ALCAM: variants seen among roughly 807,000 people sequenced by gnomAD.
The protein encoded by ALCAM is CD166 antigen.
ALCAM carries 30 observed loss-of-function variants against 70.9 expected under a neutral mutation model. That is an observed-to-expected ratio of 0.42 (90% confidence interval 0.32 to 0.57). The LOEUF (loss-of-function observed/expected upper bound fraction) is 0.57. Among genes scored for constraint, ALCAM ranks in the 20% least tolerant of loss-of-function variants. The pLI, the probability that ALCAM is intolerant of heterozygous loss-of-function variation, is 0.11. For missense variants in ALCAM, 591 were observed against 695.1 expected, an observed-to-expected ratio of 0.85 and a Z score of 1.68; for synonymous variants, 249 against 242.5, an observed-to-expected ratio of 1.03 and a Z score of -0.25.
At chr3:105,380,807 T>C (rs1935500589) in intron 1 of ALCAM, among the ~76,000 whole-genome samples, 1 of 151,962 alleles carries the variant, frequency 6.6e-6, no homozygotes, top group Non-Finnish European at 1.5e-5. Flanking sequence ...AATCTCATAT[T>C]GAAATTAGAT....
intron 1 of ALCAM, among the ~76,000 whole-genome samples, chr3:105,458,305 G>A (rs1398725485): frequency 6.6e-6 from 1 of 152,124 alleles, no homozygotes; most frequent in Non-Finnish European, 1.5e-5. Flanking sequence ...ATTCTATGTT[G>A]CTTCTTTAAA....
intron 1 of ALCAM, among the ~76,000 whole-genome samples, chr3:105,493,567 G>A (rs1444772633): frequency 2.0e-5 from 3 of 152,150 alleles, no homozygotes; most frequent in African/African-American, 7.2e-5. Flanking sequence ...CAGTGAGGAA[G>A]ACGTAGATAC....
At chr3:105,487,148 T>A (rs1938451774) in intron 1 of ALCAM, among the ~76,000 whole-genome samples, 1 of 148,724 alleles carries the variant, frequency 6.7e-6, no homozygotes, top group African/African-American at 2.5e-5. Flanking sequence ...GAGTAACTAT[T>A]TTTTAAAAAA....
chr3:105,528,148 T>C (rs1939752803), intron 3 of ALCAM, among the ~76,000 whole-genome samples: 1 of 152,182 alleles, frequency 6.6e-6, no homozygotes, highest in South Asian at 2.1e-4. Flanking sequence ...AATTGAGCTA[T>C]CCTATGTGTG....
rs1004990136 is a variant in ALCAM at position 105,576,627 on chromosome 3, A to G, written c.*2176A>G. On this transcript the variant is annotated 3_prime_UTR_variant, in exon 16 of 16. Coordinates refer to ENST00000306107, the MANE Select transcript of ALCAM (RefSeq NM_001627.4). ...AGCAGAAAGTTTGCCGGGAAAAAAA[A>G]AGACAACATTATTACCATCGATTCA... 6.6e-6 allele frequency: 1 copy of G among 152,496 alleles called. No homozygotes were observed. The highest frequency in any genetic ancestry group is 6.5e-5 in the Admixed American group (1 of 15,270). 9.4% of individuals were successfully genotyped at this position (152,496 alleles called of 1,614,324 possible).
chr3:105,436,604 G>A (rs1937054762), intron 1 of ALCAM, among the ~76,000 whole-genome samples: 1 of 152,196 alleles, frequency 6.6e-6, no homozygotes, highest in African/African-American at 2.4e-5. Flanking sequence ...TGGGATTACA[G>A]GCATGAGCCT....
intron 1 of ALCAM, among the ~76,000 whole-genome samples, chr3:105,489,006 A>G (rs1185161706): frequency 6.6e-6 from 1 of 152,204 alleles, no homozygotes; most frequent in Non-Finnish European, 1.5e-5. Context: ...AAAGCATGAG[A>G]GTTTATCACA....
At chr3:105,501,964 CCAAAAT>C in intron 1 of ALCAM, among the ~76,000 whole-genome samples, 1 of 152,238 alleles carries the variant, frequency 6.6e-6, no homozygotes, top group East Asian at 1.9e-4. Context: ...GAGTTAGAAA[CCAAAAT>C]CAAAGTTTGT....
chr3:105,415,637 T>G (rs1032771145), intron 1 of ALCAM, among the ~76,000 whole-genome samples: 7 of 152,108 alleles, frequency 4.6e-5, no homozygotes, highest in Admixed American at 4.6e-4. Context: ...CGATAACCTT[T>G]TATTTATTTC....
chr3:105,374,909 G>C (rs1935339719), intron 1 of ALCAM, among the ~76,000 whole-genome samples: 1 of 152,184 alleles, frequency 6.6e-6, no homozygotes, highest in Non-Finnish European at 1.5e-5. Flanking sequence ...TTGCTCTTAT[G>C]TATACCAATA....
At chr3:105,455,692 G>T (rs1277342782) in intron 1 of ALCAM, among the ~76,000 whole-genome samples, 1 of 152,200 alleles carries the variant, frequency 6.6e-6, no homozygotes, top group Non-Finnish European at 1.5e-5. Flanking sequence ...GTTTACCATT[G>T]CAATGGCAGC....
chr3:105,458,168 A>G (rs1937559191), intron 1 of ALCAM, among the ~76,000 whole-genome samples: 1 of 152,106 alleles, frequency 6.6e-6, no homozygotes, highest in Admixed American at 6.5e-5. Flanking sequence ...TCAGAGATAT[A>G]TTTTAGCAGG....
At chr3:105,523,249 T>C (rs112880687) in intron 2 of ALCAM, among the ~76,000 whole-genome samples, 3 of 146,198 alleles carry the variant, frequency 2.1e-5, no homozygotes, top group African/African-American at 7.6e-5. Context: ...GGATGATGAA[T>C]AAGGTAGTGG....
intron 1 of ALCAM, among the ~76,000 whole-genome samples, chr3:105,422,869 GT>G (rs1298357767): frequency 6.6e-6 from 1 of 151,460 alleles, no homozygotes; most frequent in Non-Finnish European, 1.5e-5. Flanking sequence ...GAATGACATA[GT>G]TGAACAACTG....
chr3:105,405,138 G>A (rs558239101), intron 1 of ALCAM, among the ~76,000 whole-genome samples: 20 of 151,972 alleles, frequency 1.3e-4, no homozygotes, highest in Admixed American at 3.9e-4. Context: ...TTAGCTGGGC[G>A]TGGTGGCACA....
intron 6 of ALCAM, among the ~76,000 whole-genome samples, chr3:105,539,219 G>T (rs1446717121): frequency 6.6e-6 from 1 of 152,048 alleles, no homozygotes; most frequent in East Asian, 1.9e-4. Flanking sequence ...ATTTCTAACT[G>T]CCAGCACCAC....
At chr3:105,485,436 C>T (rs984216416) in intron 1 of ALCAM, among the ~76,000 whole-genome samples, 7 of 151,626 alleles carry the variant, frequency 4.6e-5, no homozygotes, top group Admixed American at 4.6e-4. Context: ...AGAAAGAGTC[C>T]ACTGCATAAC....
At position 105,367,477 on chromosome 3, in the gene ALCAM, G is replaced by A. The variant is rs1935093804; in HGVS notation, c.69G>A (p.Arg23=). 1 of 1,614,054 alleles carries A rather than the reference G, an allele frequency of 6.2e-7. No individual in the cohort carries two copies. The highest frequency in any genetic ancestry group is 8.5e-7 in the Non-Finnish European group (1 of 1,179,946). ...TCTTGATCTCCGCCACCGTCTTCAG[G>A]CCAGGTGAGCAAGGGCCTGGGAGCA... The part of the protein sequence containing the change: ...FCLLISATVF[R]PGLGWYTVNS... The change falls in exon 1 of 16, where the codon AGG becomes AGA. Residue 23 remains arginine, a synonymous_variant. Transcript: ENST00000306107.
intron 1 of ALCAM, among the ~76,000 whole-genome samples, chr3:105,369,701 C>G (rs1415322158): frequency 6.6e-6 from 1 of 152,126 alleles, no homozygotes; most frequent in East Asian, 1.9e-4. Flanking sequence ...CTCTTCATTT[C>G]CGGAGCAGTT....
Sources: allele counts gnomAD v4.1 joint callset (sites outside exome capture counted in the v4.1 genomes callset), GRCh38; gene constraint gnomAD v4.1.1; transcripts MANE v1.5; gene names NCBI Gene and HGNC (gene_info 2026-07-23, HGNC 2026-07-21).